Variants in LARGE1 observed in about 807,000 individuals in gnomAD.
LARGE1 encodes the protein LARGE xylosyl- and glucuronyltransferase 1.
Under a neutral mutation model 87.6 loss-of-function variants are expected in LARGE1, and 43 were observed. The ratio of observed to expected loss-of-function variants is 0.49; its 90% CI spans 0.38 to 0.63. The LOEUF (loss-of-function observed/expected upper bound fraction) is 0.63. Ranked by LOEUF, LARGE1 falls within the 30% of genes least tolerant of loss-of-function variation. The pLI is 0.00. For missense variants in LARGE1, 802 were observed against 1,000.2 expected (o/e 0.80, Z 2.67); for synonymous variants, 434 against 394.6 (o/e 1.10, Z -1.18).
intron 7 of LARGE1, among the ~76,000 whole-genome samples, chr22:33,424,967 T>A (rs2066825490): frequency 6.6e-6 from 1 of 152,148 alleles, no homozygotes; most frequent in African/African-American, 2.4e-5. Context: ...AATGACCTTG[T>A]AAGAAGAGAC....
intron 11 of LARGE1, among the ~76,000 whole-genome samples, chr22:33,183,765 A>G (rs1445926700): frequency 6.6e-6 from 1 of 152,112 alleles, no homozygotes; most frequent in African/African-American, 2.4e-5. Context: ...GATGATATTT[A>G]CTGTATGAAA....
At chr22:33,221,973 G>A (rs376999733) in intron 11 of LARGE1, among the ~76,000 whole-genome samples, 153 of 152,152 alleles carry the variant, frequency 1.0e-3, no homozygotes, top group African/African-American at 3.5e-3. Flanking sequence ...ATTTTCACTG[G>A]CCCCTCAGCT....
rs187111302 is a variant in LARGE1 at position 33,390,931 on chromosome 22, A to C, written c.893-6627T>G. Among the ~76,000 whole-genome samples the C allele has an allele frequency of 4.0e-3, 608 of 152,278 alleles. 3 individuals carry two copies. The highest frequency in any genetic ancestry group is 0.014 in the African/African-American group (587 of 41,560). On this transcript the variant is annotated intron_variant, in intron 7 of 14. Transcript: ENST00000397394. ...AGGCTGGTCTCGAATTCCTGAACTCAAGTGATCCGCCCACCTTGGCCTCCC... is the reference window on the plus strand; with the variant it reads ...AGGCTGGTCTCGAATTCCTGAACTCCAGTGATCCGCCCACCTTGGCCTCCC...
At chr22:33,651,145 G>A (rs1032276150) in intron 2 of LARGE1, among the ~76,000 whole-genome samples, 4 of 150,520 alleles carry the variant, frequency 2.7e-5, no homozygotes, top group African/African-American at 9.8e-5. Context: ...CACTTTGGGA[G>A]GCCAAGACGG....
chr22:33,299,439 G>T (rs979758408), intron 12 of LARGE1, among the ~76,000 whole-genome samples: 83 of 152,130 alleles, frequency 5.5e-4, no homozygotes, highest in Admixed American at 2.2e-3. Flanking sequence ...CATAGTACAT[G>T]CTCACTACAC....
chr22:33,289,578 T>A (rs1395848901), intron 12 of LARGE1, among the ~76,000 whole-genome samples: 2 of 152,152 alleles, frequency 1.3e-5, no homozygotes, highest in Non-Finnish European at 2.9e-5. Flanking sequence ...GGCAAGAGAA[T>A]GGGCGAGAGT....
chr22:33,186,347 G>A (rs1370213838), intron 11 of LARGE1, among the ~76,000 whole-genome samples: 1 of 152,088 alleles, frequency 6.6e-6, no homozygotes, highest in East Asian at 1.9e-4. Context: ...ATGAATGCAG[G>A]TTTGTCTTAA....
chr22:33,317,913 C>T (rs1052163033), intron 10 of LARGE1, among the ~76,000 whole-genome samples: 7 of 152,056 alleles, frequency 4.6e-5, no homozygotes, highest in Non-Finnish European at 8.8e-5. Flanking sequence ...TGTGCACTTT[C>T]GTGAAAATTC....
intron 1 of LARGE1, among the ~76,000 whole-genome samples, chr22:33,849,592 C>CTTTTTTTTTTT (rs71187287): frequency 3.6e-4 from 32 of 88,596 alleles, no homozygotes; most frequent in Non-Finnish European, 4.3e-4. Flanking sequence ...CTTTTCTTCT[C>CTTTTTTTTTTT]TTTTTTTTTT....
intron 1 of LARGE1, among the ~76,000 whole-genome samples, chr22:33,823,433 T>C (rs1230770886): frequency 1.3e-5 from 2 of 152,198 alleles, no homozygotes; most frequent in Non-Finnish European, 2.9e-5. Flanking sequence ...TCAATAAATA[T>C]TCATCTCAGT....
intron 6 of LARGE1, among the ~76,000 whole-genome samples, chr22:33,533,653 A>G (rs1157690535): frequency 2.6e-5 from 4 of 152,158 alleles, no homozygotes; most frequent in Admixed American, 6.5e-5. Flanking sequence ...CAATAAATGT[A>G]TGTTTGTGTT....
At chr22:33,302,038 G>A (rs1415937593) in intron 12 of LARGE1, among the ~76,000 whole-genome samples, 2 of 152,214 alleles carry the variant, frequency 1.3e-5, no homozygotes, top group African/African-American at 4.8e-5. Flanking sequence ...AGTCCCAGAG[G>A]GGTGGAGGGT....
chr22:33,463,683 AT>A lies in LARGE1; in HGVS notation c.788-31419del, dbSNP rs551944644. Among the ~76,000 whole-genome samples, 3 of 152,050 alleles carry A rather than the reference AT, an allele frequency of 2.0e-5. No individual in the cohort carries two copies. The South Asian group carries it at 6.2e-4, about 32-fold the overall frequency. On this transcript the variant is annotated intron_variant, in intron 6 of 14. Coordinates refer to ENST00000397394, the MANE Select transcript of LARGE1 (RefSeq NM_133642.5). ...TGACAATTCATTGAGCTGGTACTAT[AT>A]TTTTTTGAGACAGAGTCTTACTCTG...
intron 11 of LARGE1, among the ~76,000 whole-genome samples, chr22:33,213,562 C>G (rs546411661): frequency 6.6e-6 from 1 of 152,202 alleles, no homozygotes; most frequent in Non-Finnish European, 1.5e-5. Context: ...CCAGCAACCG[C>G]CAACCTGTCA....
At chr22:33,645,968 T>C (rs1418371203) in intron 3 of LARGE1, among the ~76,000 whole-genome samples, 2 of 152,110 alleles carry the variant, frequency 1.3e-5, no homozygotes, top group Admixed American at 1.3e-4. Flanking sequence ...TGTGGAGAAA[T>C]AGGAACGCTT....
intron 11 of LARGE1, among the ~76,000 whole-genome samples, chr22:33,180,657 G>T (rs963584898): frequency 2.4e-4 from 36 of 152,170 alleles, no homozygotes; most frequent in African/African-American, 8.7e-4. Flanking sequence ...ACAGCCAAAA[G>T]GTGGAAACAA....
chr22:33,800,916 A>G (rs1207543886), intron 1 of LARGE1, among the ~76,000 whole-genome samples: 1 of 152,184 alleles, frequency 6.6e-6, no homozygotes, highest in Non-Finnish European at 1.5e-5. Context: ...CTTCTGGATC[A>G]TACGGTGATA....
the LARGE1 span, among the ~76,000 whole-genome samples, chr22:33,134,255 CTTTTTTTT>C: frequency 2.4e-5 from 3 of 124,374 alleles, no homozygotes; most frequent in Non-Finnish European, 3.3e-5. Context: ...AAAGAACTCC[CTTTTTTTT>C]TTTTTTTTTT....
intron 6 of LARGE1, among the ~76,000 whole-genome samples, chr22:33,522,128 C>G (rs2071634256): frequency 1.3e-5 from 2 of 152,204 alleles, no homozygotes; most frequent in Non-Finnish European, 2.9e-5. Context: ...CCATCAGGCC[C>G]TACCTGAAAC....
Sources: allele counts gnomAD v4.1 joint callset (sites outside exome capture counted in the v4.1 genomes callset), GRCh38; gene constraint gnomAD v4.1.1; transcripts MANE v1.5; gene names NCBI Gene and HGNC (gene_info 2026-07-23, HGNC 2026-07-21).